Variants in FSIP2 observed in about 807,000 individuals in gnomAD.
FSIP2 encodes the protein fibrous sheath-interacting protein 2.
Under a neutral mutation model 510.5 loss-of-function variants are expected in FSIP2, and 367 were observed. The observed-to-expected ratio is 0.72, with a 90% CI of 0.66 to 0.78. FSIP2 has a LOEUF of 0.78. Among genes scored for constraint, FSIP2 ranks in the 30% least tolerant of loss-of-function variants. The pLI, the probability that FSIP2 is intolerant of heterozygous loss-of-function variation, is 0.00. For synonymous variants in FSIP2, 2,601 were observed against 2,732.2 expected (o/e 0.95, Z 1.50); for missense variants, 7,594 against 7,901.7 (o/e 0.96, Z 1.48).
intron 13 of FSIP2, among the ~76,000 whole-genome samples, chr2:185,781,814 T>C (rs1692854805): frequency 6.6e-6 from 1 of 151,568 alleles, no homozygotes; most frequent in African/African-American, 2.4e-5. Flanking sequence ...TAGTGTTGTC[T>C]TCACATTTAA....
Position 185,801,354 on chromosome 2 carries a change from T to C in FSIP2, c.12048T>C (p.Asn4016=). Residue 4016 remains asparagine, a synonymous_variant, in exon 17 of 23, where the codon AAT becomes AAC. Coordinates refer to ENST00000424728, the MANE Select transcript of FSIP2 (RefSeq NM_173651.4). ...CATTATTTGTCAACAATGTAGTGAATGAATTTAATAATGCTCAAGTCACTG... is the reference window on the plus strand; with the variant it reads ...CATTATTTGTCAACAATGTAGTGAACGAATTTAATAATGCTCAAGTCACTG... The part of the protein sequence containing the change: ...MNTLFVNNVV[N]EFNNAQVTVL... 6.5e-7 allele frequency: 1 copy of C among 1,534,104 alleles called. No homozygotes were observed. The highest frequency in any genetic ancestry group is 8.7e-7 in the Non-Finnish European group (1 of 1,145,560).
chr2:185,738,945 C>T lies in FSIP2; in HGVS notation c.51C>T (p.Thr17=). 6.5e-7 allele frequency: 1 copy of T among 1,534,250 alleles called. No homozygotes were observed. The highest frequency in any genetic ancestry group is 2.0e-5 in the Admixed American group (1 of 50,994). ...CCAAGCCTGCCAAAGTCGCCGTCAC[C>T]AAGACGGTCGCCAGCGTCCTGGCCG... is the stretch of plus-strand genomic sequence containing the variant. ...ACSKPAKVAV[T]KTVASVLAAD... Residue 17 remains threonine (T), a synonymous_variant, in exon 1 of 23, where the codon ACC becomes ACT. Transcript: ENST00000424728.
chr2:185,823,714 T>C (rs1693966570), intron 19 of FSIP2, among the ~76,000 whole-genome samples: 1 of 151,762 alleles, frequency 6.6e-6, no homozygotes, highest in African/African-American at 2.4e-5. Flanking sequence ...AGACTTACCC[T>C]ATGATCAAGC....
chr2:185,830,773 T>G, intron 21 of FSIP2, among the ~76,000 whole-genome samples: 1 of 151,844 alleles, frequency 6.6e-6, no homozygotes, highest in East Asian at 2.0e-4. Context: ...GCCAACTGTA[T>G]GTCTACTCAT....
intron 9 of FSIP2, 28 bp from the exon 10 acceptor site, chr2:185,760,960 A>AT (rs1559014328): frequency 2.3e-6 from 2 of 876,970 alleles, no homozygotes; most frequent in Admixed American, 5.9e-5. Context: ...AAAAAAAACT[A>AT]TAGAGTTTCT....
intron 13 of FSIP2, among the ~76,000 whole-genome samples, chr2:185,771,324 G>A (rs74878989): frequency 0.015 from 2,210 of 152,286 alleles, 39 homozygotes; most frequent in African/African-American, 0.05. Flanking sequence ...CTCTCTGCAG[G>A]GGCTTCAGCC....
chr2:185,765,594 T>G (rs1358405778), intron 13 of FSIP2: 1 of 152,154 alleles, frequency 6.6e-6, no homozygotes, highest in East Asian at 1.9e-4. Context: ...TCCAGCTTTG[T>G]TCTTTTGGCT....
At chr2:185,825,250 C>T (rs1339731634) in intron 20 of FSIP2, among the ~76,000 whole-genome samples, 1 of 151,778 alleles carries the variant, frequency 6.6e-6, no homozygotes, top group Non-Finnish European at 1.5e-5. Flanking sequence ...AAAACCACTC[C>T]TATAATGTCT....
chr2:185,803,686 T>G lies in FSIP2; in HGVS notation c.14380T>G (p.Leu4794Val). ...TACCACTATGTTATCACATAGTCAT[T>G]TGGAAAAAATAGTTACTCAGCTTAC... is the stretch of plus-strand genomic sequence containing the variant. Reference protein sequence around the residue: ...MYTTMLSHSHLEKIVTQLTSQ... With the variant: ...MYTTMLSHSHVEKIVTQLTSQ... The change falls in exon 17 of 23, where the codon TTG (leucine) becomes GTG (valine). Residue 4794 changes from leucine to valine, a missense_variant. Transcript: ENST00000424728. The G allele has an allele frequency of 1.3e-6, 2 of 1,532,034 alleles. No individual in the cohort carries two copies. The highest frequency in any genetic ancestry group is 1.7e-6 in the Non-Finnish European group (2 of 1,144,278). 94.9% of individuals were successfully genotyped at this position (1,532,034 alleles called of 1,614,324 possible).
At chr2:185,771,078 T>C (rs1375048743) in intron 13 of FSIP2, among the ~76,000 whole-genome samples, 1 of 152,182 alleles carries the variant, frequency 6.6e-6, no homozygotes, top group Non-Finnish European at 1.5e-5. Flanking sequence ...CCCAAGGCAT[T>C]AGGCAGCCCC....
At position 185,790,545 on chromosome 2, in the gene FSIP2, G is replaced by C. The variant is rs1693096972; in HGVS notation, c.3409G>C (p.Ala1137Pro). The change falls in exon 16 of 23, where the codon GCT (alanine) becomes CCT (proline). Residue 1137 changes from alanine (A) to proline (P), a missense_variant. By Grantham distance (27) the Ala-to-Pro change is conservative (BLOSUM62 -1). Coordinates refer to ENST00000424728, the MANE Select transcript of FSIP2 (RefSeq NM_173651.4). ...CTTAGACAGCAAAACTGGCAGTGAA[G>C]CTTCAGTTCTTGTTTCAGAAAAGCC... ...GHLDSKTGSE[A>P]SVLVSEKPQG... 2.6e-6 allele frequency: 4 copies of C among 1,533,926 alleles called. No individual in the cohort carries two copies. Among genetic ancestry groups the C allele is most frequent in the African/African-American group, 2.7e-5 (2 of 73,012 alleles).
chr2:185,808,890 A>T lies in FSIP2; in HGVS notation c.19584A>T (p.Lys6528Asn). The change falls in exon 17 of 23, where the codon AAA (lysine) becomes AAT (asparagine). Residue 6528 changes from lysine to asparagine, a missense_variant. By Grantham distance (94) the Lys-to-Asn change is moderately conservative (BLOSUM62 0). Transcript: ENST00000424728. ...AAATAGTTCCACATGTTGGAAAAAA[A>T]CCAGTCAAAATAGATCCAAAAATTA... ...PIKIVPHVGK[K>N]PVKIDPKIIS... 6.2e-7 allele frequency: 1 copy of T among 1,607,440 alleles called. No homozygotes were observed. Among genetic ancestry groups the T allele is most frequent in the African/African-American group, 1.3e-5 (1 of 74,516 alleles).
In FSIP2 at chr2:185,794,471, A is replaced by G; in HGVS notation, c.7335A>G (p.Thr2445=). Residue 2445 remains threonine (T), a synonymous_variant, in exon 16 of 23, where the codon ACA becomes ACG. Coordinates refer to ENST00000424728, the MANE Select transcript of FSIP2 (RefSeq NM_173651.4). ...KERSTKQSLF[T]KYPLEQNQMI... Reference sequence around the variant, plus strand: ...GAAGTACCAAACAATCTCTATTTACAAAGTATCCATTAGAGCAAAACCAAA... The same window carrying G: ...GAAGTACCAAACAATCTCTATTTACGAAGTATCCATTAGAGCAAAACCAAA... 1.3e-6 allele frequency: 2 copies of G among 1,513,186 alleles called. No homozygotes were observed. Among genetic ancestry groups the G allele is most frequent in the Non-Finnish European group, 1.8e-6 (2 of 1,138,000 alleles). 93.7% of individuals were successfully genotyped at this position (1,513,186 alleles called of 1,614,324 possible).
intron 13 of FSIP2, 69 bp downstream of exon 13, chr2:185,764,634 G>A: frequency 1.8e-6 from 2 of 1,116,750 alleles, no homozygotes; most frequent in South Asian, 2.8e-5. Context: ...CATTTACTGA[G>A]TTTTTGCTTC....
Position 185,739,002 on chromosome 2 carries a change from C to T in FSIP2, c.99+9C>T. ...CCCAGCAGTGCAGAGACGTGAGTGG[C>T]CGCAAGCTGGGCGGCGTCGCCCTCT... is the stretch of plus-strand genomic sequence containing the variant. On this transcript the variant is annotated intron_variant, in intron 1 of 22. Transcript: ENST00000424728. 3.3e-6 allele frequency: 5 copies of T among 1,530,446 alleles called. No individual in the cohort carries two copies. Among genetic ancestry groups the T allele is most frequent in the Non-Finnish European group, 3.5e-6 (4 of 1,145,122 alleles). The allele number at this position is 1,530,446 out of a possible 1,614,324, so 94.8% of individuals were successfully genotyped here.
At position 185,800,236 on chromosome 2, in the gene FSIP2, C is replaced by T. The variant is rs10931200; in HGVS notation, c.10930C>T (p.Leu3644Phe). Residue 3644 changes from leucine (L) to phenylalanine (F), a missense_variant, in exon 17 of 23, where the codon CTT becomes TTT. Coordinates refer to ENST00000424728, the MANE Select transcript of FSIP2 (RefSeq NM_173651.4). ...TATGCATAGAAATAATAGTGTACCC[C>T]TTTGCAACAAAATCAATAGACAGGC... is the stretch of plus-strand genomic sequence containing the variant. Reference protein sequence around the residue: ...FSMHRNNSVPLCNKINRQASP... With the variant: ...FSMHRNNSVPFCNKINRQASP... The T allele has an allele frequency of 6.5e-7, 1 of 1,531,144 alleles. No homozygotes were observed. The highest frequency in any genetic ancestry group is 1.4e-5 in the African/African-American group (1 of 72,604). The allele number at this position is 1,531,144 out of a possible 1,614,324, so 94.8% of individuals were successfully genotyped here.
Position 185,782,731 on chromosome 2 carries a change from G to A in FSIP2, c.1438G>A (p.Gly480Ser), listed in dbSNP as rs1350397310. 2.0e-6 allele frequency: 3 copies of A among 1,515,942 alleles called. No individual in the cohort carries two copies. The highest frequency in any genetic ancestry group is 2.7e-6 in the Non-Finnish European group (3 of 1,128,738). The allele number at this position is 1,515,942 out of a possible 1,614,324, so 93.9% of individuals were successfully genotyped here. A position where few individuals can be genotyped will look rare whatever the true frequency, so the allele number is the denominator to read the frequency against. Residue 480 changes from glycine (G) to serine (S), a missense_variant, in exon 14 of 23, where the codon GGT becomes AGT. Gly to Ser is a moderately conservative substitution (Grantham distance 56, BLOSUM62 0). Coordinates refer to ENST00000424728, the MANE Select transcript of FSIP2 (RefSeq NM_173651.4). ...ACCTCAGGCTCATGCTACAGACCCG[G>A]GTATATTTTCTTCTCCTGTTTACAC... ...SGPQAHATDP[G>S]IFSSPVYTNM...
chr2:185,758,999 T>C (rs1574159325), intron 9 of FSIP2, among the ~76,000 whole-genome samples: 1 of 151,298 alleles, frequency 6.6e-6, no homozygotes. Flanking sequence ...TTTTACAAAA[T>C]AGCTTGCTGC....
chr2:185,807,727 C>T lies in FSIP2; in HGVS notation c.18421C>T (p.His6141Tyr). 1 of 1,612,580 alleles carries T rather than the reference C, an allele frequency of 6.2e-7. No individual in the cohort carries two copies. Among genetic ancestry groups the T allele is most frequent in the South Asian group, 1.1e-5 (1 of 90,990 alleles). Residue 6141 changes from histidine (H) to tyrosine (Y), a missense_variant, in exon 17 of 23, where the codon CAT (histidine) becomes TAT (tyrosine). Transcript: ENST00000424728. ...CTATTTTTGTGGAGAGCTAACTCCA[C>T]ATCAGTGTGTGGAAGTTGAAAACAT... ...QSYFCGELTP[H>Y]QCVEVENIVE...
Sources: allele counts gnomAD v4.1 joint callset (sites outside exome capture counted in the v4.1 genomes callset), GRCh38; gene constraint gnomAD v4.1.1; transcripts MANE v1.5; gene names NCBI Gene and HGNC (gene_info 2026-07-23, HGNC 2026-07-21).